The following PTAFR variants were observed in gnomAD, a reference collection of about 807,000 sequenced individuals.
PTAFR encodes the protein platelet activating factor receptor, also known as platelet-activating factor receptor.
PTAFR carries 8 observed loss-of-function variants against 14.7 expected under a neutral mutation model. The observed-to-expected ratio is 0.54, with a 90% CI of 0.32 to 0.98. The LOEUF (loss-of-function observed/expected upper bound fraction) is 0.98. PTAFR is among the 50% of genes least tolerant of loss of function. PTAFR has a pLI of 0.04. For missense variants in PTAFR, 337 were observed against 451.2 expected, an observed-to-expected ratio of 0.75 and a Z score of 2.29; for synonymous variants, 156 against 176.5, an observed-to-expected ratio of 0.88 and a Z score of 0.92.
At chr1:28,152,217 T>A (rs1646201383) in intron 1 of PTAFR, among the ~76,000 whole-genome samples, 1 of 151,792 alleles carries the variant, frequency 6.6e-6, no homozygotes, top group Admixed American at 6.6e-5. Context: ...TTTTCCTACA[T>A]AAAATAATGG....
At chr1:28,152,204 GTT>G (rs1439116366) in intron 1 of PTAFR, among the ~76,000 whole-genome samples, 1 of 152,070 alleles carries the variant, frequency 6.6e-6, no homozygotes, top group Non-Finnish European at 1.5e-5. Flanking sequence ...ACCATGCAGT[GTT>G]TTTTCCTACA....
chr1:28,156,564 G>A (rs1019302878), intron 1 of PTAFR, among the ~76,000 whole-genome samples: 3 of 152,162 alleles, frequency 2.0e-5, no homozygotes, highest in Non-Finnish European at 4.4e-5. Context: ...ATTATTGGGT[G>A]TTTTTGTTTA....
At position 28,147,907 on chromosome 1, in the gene PTAFR, G is replaced by C. The variant is rs1484436651; in HGVS notation, c.*2086C>G. Reference sequence around the variant, plus strand: ...ATGACACAGCCAAGACTTGAACCAGGCTTGTGTGATGCTGCACTAGCCACC... The same window carrying C: ...ATGACACAGCCAAGACTTGAACCAGCCTTGTGTGATGCTGCACTAGCCACC... On this transcript the variant is annotated 3_prime_UTR_variant, in exon 2 of 2. Transcript: ENST00000373857. 3.3e-5 allele frequency: 5 copies of C among 152,300 alleles called. No homozygotes were observed. The highest frequency in any genetic ancestry group is 3.3e-4 in the Admixed American group (5 of 15,270). 9.4% of individuals were successfully genotyped at this position (152,300 alleles called of 1,614,324 possible). A position where few individuals can be genotyped will look rare whatever the true frequency, so the allele number is the denominator to read the frequency against.
chr1:28,185,176 C>A (rs575408225), intron 1 of PTAFR, among the ~76,000 whole-genome samples: 1 of 152,278 alleles, frequency 6.6e-6, no homozygotes, highest in East Asian at 1.9e-4. Flanking sequence ...TGCTCATTAT[C>A]TTCTCCCCAG....
intron 1 of PTAFR, among the ~76,000 whole-genome samples, chr1:28,184,282 G>A (rs1423763303): frequency 2.0e-5 from 3 of 151,694 alleles, no homozygotes; most frequent in Admixed American, 6.6e-5. Context: ...TAGTAGAGAC[G>A]GGTTTTCACC....
intron 1 of PTAFR, among the ~76,000 whole-genome samples, chr1:28,151,975 C>T (rs1457739910): frequency 6.6e-6 from 1 of 152,282 alleles, no homozygotes; most frequent in Non-Finnish European, 1.5e-5. Flanking sequence ...TCACTGCAAC[C>T]TCAACCTCTT....
intron 1 of PTAFR, among the ~76,000 whole-genome samples, chr1:28,172,151 G>T (rs1443663227): frequency 6.6e-6 from 1 of 152,168 alleles, no homozygotes; most frequent in Non-Finnish European, 1.5e-5. Context: ...AAGTAGCTGG[G>T]ATTACAAGCG....
chr1:28,152,065 T>C (rs1223881606), intron 1 of PTAFR, among the ~76,000 whole-genome samples: 1 of 151,332 alleles, frequency 6.6e-6, no homozygotes, highest in Non-Finnish European at 1.5e-5. Flanking sequence ...CCTAGCTAAT[T>C]TTTGTATTTT....
chr1:28,161,500 CT>C (rs1460943720), intron 1 of PTAFR, among the ~76,000 whole-genome samples: 16 of 151,362 alleles, frequency 1.1e-4, no homozygotes, highest in African/African-American at 1.7e-4. Flanking sequence ...GGGTAGATGG[CT>C]TTTTTTTTAT....
At chr1:28,179,819 G>GA (rs112494615), upstream of PTAFR, among the ~76,000 whole-genome samples, 3,975 of 142,750 alleles carry the variant, frequency 0.028, 141 homozygotes, top group African/African-American at 0.086. Context: ...AGCCTGGGTG[G>GA]AAAAAAAAAA....
upstream of PTAFR, among the ~76,000 whole-genome samples, chr1:28,179,104 A>G (rs183500085): frequency 4.5e-4 from 69 of 152,286 alleles, no homozygotes; most frequent in African/African-American, 1.6e-3. Context: ...TGGTCTGTAC[A>G]TGAACTTAGC....
At chr1:28,179,974 A>G (rs141349249), upstream of PTAFR, among the ~76,000 whole-genome samples, 843 of 152,256 alleles carry the variant, frequency 5.5e-3, 9 homozygotes, top group African/African-American at 0.018. Context: ...CTACTGGACA[A>G]TGGAGCCAGT....
chr1:28,183,701 T>C (rs1646580757), intron 1 of PTAFR, among the ~76,000 whole-genome samples: 1 of 152,028 alleles, frequency 6.6e-6, no homozygotes, highest in Non-Finnish European at 1.5e-5. Context: ...TCTTTTGCCC[T>C]CTAGTGAAAC....
chr1:28,170,698 T>C (rs757949123), intron 1 of PTAFR, among the ~76,000 whole-genome samples: 16 of 151,246 alleles, frequency 1.1e-4, no homozygotes, highest in Non-Finnish European at 2.2e-4. Flanking sequence ...CAAGACCCTA[T>C]CTCTTAAAAA....
At position 28,169,480 on chromosome 1, in the gene PTAFR, G is replaced by T. The variant is rs143283714; in HGVS notation, c.-39+7112C>A. Among the ~76,000 whole-genome samples the T allele has an allele frequency of 2.5e-3, 387 of 152,292 alleles. 2 individuals are homozygous for T. The highest frequency in any genetic ancestry group is 8.7e-3 in the African/African-American group (362 of 41,562). On this transcript the variant is annotated intron_variant, in intron 1 of 1. Coordinates refer to ENST00000373857, the MANE Select transcript of PTAFR (RefSeq NM_000952.5). ...TCTTTCATCAAGCGAAATAAAGGAT[G>T]TACAGTATTTAGAGAACAGTGGTTA...
intron 1 of PTAFR, among the ~76,000 whole-genome samples, chr1:28,172,550 C>A (rs951489295): frequency 6.6e-6 from 1 of 152,208 alleles, no homozygotes; most frequent in Non-Finnish European, 1.5e-5. Context: ...GGTAATAAAA[C>A]CTTCCTCACG....
At chr1:28,173,341 C>A (rs1304612453) in intron 1 of PTAFR, among the ~76,000 whole-genome samples, 1 of 148,520 alleles carries the variant, frequency 6.7e-6, no homozygotes, top group Non-Finnish European at 1.5e-5. Flanking sequence ...CATGGTGGCT[C>A]ACATCTGTAA....
At chr1:28,157,619 C>T (rs1393833629) in intron 1 of PTAFR, among the ~76,000 whole-genome samples, 3 of 150,152 alleles carry the variant, frequency 2.0e-5, no homozygotes, top group Admixed American at 6.7e-5. Flanking sequence ...ATTTTTTTTG[C>T]ATTAATTTTG....
Position 28,149,717 on chromosome 1 carries a change from C to A in PTAFR, c.*276G>T, listed in dbSNP as rs1389448615. On this transcript the variant is annotated 3_prime_UTR_variant, in exon 2 of 2. Transcript: ENST00000373857. ...AAGGTCTGCACCTGGCCCTGACATT[C>A]CTTCCGGCCCCATAAGATTAAGGGA... 2.5e-6 allele frequency: 1 copy of A among 402,232 alleles called. No individual in the cohort carries two copies. The highest frequency in any genetic ancestry group is 4.6e-5 in the East Asian group (1 of 21,718). 24.9% of individuals were successfully genotyped at this position (402,232 alleles called of 1,614,324 possible).
Sources: gnomAD v4.1 joint callset for allele counts (sites outside exome capture counted in the v4.1 genomes callset) on GRCh38, gnomAD v4.1.1 for gene constraint, MANE v1.5 for transcripts, NCBI Gene and HGNC (gene_info 2026-07-23, HGNC 2026-07-21) for gene names.